The following CCDC7 variants were observed in gnomAD, a reference collection of about 807,000 sequenced individuals.
CCDC7 encodes the protein coiled-coil domain-containing protein 7.
Under a neutral mutation model 196.9 loss-of-function variants are expected in CCDC7, and 183 were observed. The ratio of observed to expected loss-of-function variants is 0.93; its 90% CI spans 0.82 to 1.05. The LOEUF (loss-of-function observed/expected upper bound fraction) is 1.05, where lower values mean the gene tolerates loss of function less well. Among genes scored for constraint, CCDC7 ranks in the 50% least tolerant of loss-of-function variants. CCDC7 has a pLI of 0.00. For synonymous variants in CCDC7, 525 were observed against 484.6 expected (o/e 1.08, Z -1.10); for missense variants, 1,540 against 1,482.2 (o/e 1.04, Z -0.64).
chr10:32,816,317 G>A (rs1310862971), intron 31 of CCDC7, among the ~76,000 whole-genome samples: 1 of 152,208 alleles, frequency 6.6e-6, no homozygotes, highest in Non-Finnish European at 1.5e-5. Context: ...TGAGGCTTGA[G>A]TAGGTAAACA....
intron 15 of CCDC7, 59 bp from the exon 17 acceptor site, chr10:32,571,800 C>CT: frequency 4.3e-6 from 6 of 1,405,036 alleles, no homozygotes; most frequent in Non-Finnish European, 5.6e-6. Context: ...TTCTAAATGA[C>CT]TGTAAACATT....
At chr10:32,847,916 G>T in exon 38 of CCDC7, 1 of 1,568,176 alleles carries the variant, frequency 6.4e-7, no homozygotes, top group South Asian at 1.1e-5. Flanking sequence ...GACTCACTAT[G>T]GTAAGAATAA....
chr10:32,638,349 A>G (rs2066052397), intron 20 of CCDC7, among the ~76,000 whole-genome samples: 2 of 152,184 alleles, frequency 1.3e-5, no homozygotes, highest in Admixed American at 1.3e-4. Flanking sequence ...CCCATTCAGT[A>G]TGATATTGGC....
At chr10:32,876,427 T>A (rs1394912664), downstream of CCDC7, 1 of 1,581,296 alleles carries the variant, frequency 6.3e-7, no homozygotes, top group Non-Finnish European at 8.7e-7. Context: ...ATAAGCAACA[T>A]GACAAATTCA....
chr10:32,543,347 G>T, exon 12 of CCDC7: 1 of 1,452,790 alleles, frequency 6.9e-7, no homozygotes, highest in South Asian at 1.5e-5. Context: ...TGAAAACAGT[G>T]AAGAAAAAAG....
intron 31 of CCDC7, among the ~76,000 whole-genome samples, chr10:32,816,243 C>T (rs577287533): frequency 2.4e-4 from 36 of 152,328 alleles, no homozygotes; most frequent in African/African-American, 8.4e-4. Flanking sequence ...TCATTGCTAG[C>T]ACAGCAGTCT....
At chr10:32,567,602 T>C (rs1273670149) in intron 14 of CCDC7, 68 bp from the exon 16 acceptor site, 1 of 1,486,752 alleles carries the variant, frequency 6.7e-7, no homozygotes, top group East Asian at 2.4e-5. Flanking sequence ...TGTAGATTCC[T>C]GAATGTGGTA....
At chr10:32,615,933 T>C in intron 18 of CCDC7, among the ~76,000 whole-genome samples, 1 of 152,268 alleles carries the variant, frequency 6.6e-6, no homozygotes, top group East Asian at 1.9e-4. Flanking sequence ...TAGGATATCT[T>C]TTCCTCAGTG....
intron 18 of CCDC7, among the ~76,000 whole-genome samples, chr10:32,587,558 A>C (rs1489989483): frequency 3.3e-5 from 5 of 152,210 alleles, no homozygotes; most frequent in African/African-American, 1.2e-4. Flanking sequence ...CCAGGGATTA[A>C]GTTTCTAGTA....
intron 40 of CCDC7, among the ~76,000 whole-genome samples, chr10:32,853,258 A>G (rs2093630828): frequency 6.6e-6 from 1 of 152,190 alleles, no homozygotes. Context: ...TAAAATTAAT[A>G]AATGGTCTAA....
chr10:32,781,606 C>A (rs760434420), intron 29 of CCDC7, among the ~76,000 whole-genome samples: 10 of 152,138 alleles, frequency 6.6e-5, no homozygotes, highest in African/African-American at 1.7e-4. Context: ...AAATTCAATA[C>A]CCTTTCACGT....
At chr10:32,513,505 C>T (rs2135413248) in intron 9 of CCDC7, 1 of 152,144 alleles carries the variant, frequency 6.6e-6, no homozygotes, top group Admixed American at 6.5e-5. Flanking sequence ...ATTAGTGTTA[C>T]TCTGATACCA....
intron 13 of CCDC7, among the ~76,000 whole-genome samples, chr10:32,564,015 G>T (rs1003749232): frequency 7.2e-4 from 109 of 152,264 alleles, no homozygotes; most frequent in African/African-American, 2.5e-3. Context: ...CTTCTCAAAA[G>T]AAGACATTTA....
chr10:32,598,373 G>A (rs2060639163), intron 18 of CCDC7, among the ~76,000 whole-genome samples: 1 of 152,186 alleles, frequency 6.6e-6, no homozygotes, highest in African/African-American at 2.4e-5. Flanking sequence ...ATCAGGGTGG[G>A]AGTGTCCTGA....
intron 9 of CCDC7, among the ~76,000 whole-genome samples, chr10:32,509,681 T>A (rs1462403926): frequency 6.6e-6 from 1 of 152,108 alleles, no homozygotes; most frequent in African/African-American, 2.4e-5. Flanking sequence ...ATAAAAAATA[T>A]ACAAGGGACT....
At chr10:32,809,757 G>C (rs1022535108) in intron 30 of CCDC7, among the ~76,000 whole-genome samples, 7 of 152,160 alleles carry the variant, frequency 4.6e-5, no homozygotes, top group Non-Finnish European at 8.8e-5. Context: ...TGGAGAAATA[G>C]GAACACTTTT....
At chr10:32,808,659 A>AG (rs2086382374) in intron 30 of CCDC7, among the ~76,000 whole-genome samples, 1 of 114,900 alleles carries the variant, frequency 8.7e-6, no homozygotes, top group Non-Finnish European at 2.1e-5. Flanking sequence ...TATATCACCT[A>AG]GGGGCCCAAG....
At chr10:32,700,717 C>T (rs1018566767) in intron 24 of CCDC7, among the ~76,000 whole-genome samples, 1 of 152,074 alleles carries the variant, frequency 6.6e-6, no homozygotes, top group Non-Finnish European at 1.5e-5. Flanking sequence ...TGTTTATGTC[C>T]TCTTTTATTT....
At chr10:32,583,612 A>G (rs2058951253) in intron 17 of CCDC7, among the ~76,000 whole-genome samples, 1 of 152,092 alleles carries the variant, frequency 6.6e-6, no homozygotes, top group African/African-American at 2.4e-5. Flanking sequence ...CATAGTTTTC[A>G]GCTTCATCTA....
Sources: allele counts gnomAD v4.1 joint callset (sites outside exome capture counted in the v4.1 genomes callset), GRCh38; gene constraint gnomAD v4.1.1; transcripts MANE v1.5; gene names NCBI Gene and HGNC (gene_info 2026-07-23, HGNC 2026-07-21).